The following MED17 variants were observed in gnomAD, a reference collection of about 807,000 sequenced individuals.
The protein encoded by MED17 is mediator of RNA polymerase II transcription subunit 17.
In MED17, 49 loss-of-function variants were observed where a neutral mutation model predicts 80.8. That is an observed-to-expected ratio of 0.61 (90% CI 0.48 to 0.77). The LOEUF (loss-of-function observed/expected upper bound fraction) is 0.77. Ranked by LOEUF, MED17 falls within the 30% of genes least tolerant of loss-of-function variation. The probability of loss-of-function intolerance (pLI) is 0.00; values close to 1 mark genes in which losing one functional copy is unlikely to be tolerated. For synonymous variants in MED17, 281 were observed against 280.4 expected, an observed-to-expected ratio of 1.00 and a Z score of -0.02; for missense variants, 718 against 787.0, an observed-to-expected ratio of 0.91 and a Z score of 1.05.
rs1437875811 is a variant in MED17 at position 93,794,025 on chromosome 11, A to G, written c.849A>G (p.Lys283=). The G allele has an allele frequency of 6.2e-7, 1 of 1,613,020 alleles. No homozygotes were observed. The highest frequency in any genetic ancestry group is 8.5e-7 in the Non-Finnish European group (1 of 1,179,114). Reference sequence around the variant, plus strand: ...ACCTCTTCAAACGACCTTTGCCCAAATCCAAACCAGGTATGGTTATGTTCT... The same window carrying G: ...ACCTCTTCAAACGACCTTTGCCCAAGTCCAAACCAGGTATGGTTATGTTCT... ...TVNLFKRPLP[K]SKPGSPHWQT... The change falls in exon 5 of 12, where the codon AAA becomes AAG. Residue 283 remains lysine (K), a synonymous_variant. Coordinates refer to ENST00000251871, the MANE Select transcript of MED17 (RefSeq NM_004268.5).
At chr11:93,785,847 T>TA (rs1169591043) in intron 1 of MED17, among the ~76,000 whole-genome samples, 1 of 151,860 alleles carries the variant, frequency 6.6e-6, no homozygotes, top group Non-Finnish European at 1.5e-5. Flanking sequence ...CTCTACAAAT[T>TA]AAAAAAATTA....
chr11:93,788,197 A>C (rs1430424491), intron 2 of MED17, 30 bp downstream of exon 2: 1 of 1,574,784 alleles, frequency 6.4e-7, no homozygotes, highest in Non-Finnish European at 8.7e-7. Flanking sequence ...GAATAATAAA[A>C]TTTTATTTAT....
chr11:93,813,367 C>A lies in MED17; in HGVS notation c.*1303C>A, dbSNP rs1401350749. 6.6e-6 allele frequency: 1 copy of A among 152,164 alleles called. No individual in the cohort carries two copies. Among genetic ancestry groups the A allele is most frequent in the African/African-American group, 2.4e-5 (1 of 41,446 alleles). 9.4% of individuals were successfully genotyped at this position (152,164 alleles called of 1,614,324 possible). On this transcript the variant is annotated 3_prime_UTR_variant, in exon 12 of 12. Coordinates refer to ENST00000251871, the MANE Select transcript of MED17 (RefSeq NM_004268.5). ...CTTTGTGCTTTTTTCCCCTTCTGAT[C>A]AAGATCTTGCATCTTTCTATCCATG...
chr11:93,811,527 T>G, intron 11 of MED17: 1 of 309,602 alleles, frequency 3.2e-6, no homozygotes, highest in South Asian at 3.4e-5. Flanking sequence ...AAAAAAAGCT[T>G]TGTGTTTTTC....
At chr11:93,799,489 A>T (rs889387843) in intron 8 of MED17, among the ~76,000 whole-genome samples, 15 of 152,154 alleles carry the variant, frequency 9.9e-5, no homozygotes, top group Admixed American at 4.6e-4. Flanking sequence ...AAGCCTTTTT[A>T]AAAAAAGTAG....
chr11:93,788,175 T>C lies in MED17; in HGVS notation c.417+8T>C, dbSNP rs762848460. 6.2e-7 allele frequency: 1 copy of C among 1,608,538 alleles called. No individual in the cohort carries two copies. The highest frequency in any genetic ancestry group is 8.5e-7 in the Non-Finnish European group (1 of 1,175,620). On this transcript the variant is annotated splice_region_variant and intron_variant, in intron 2 of 11. Transcript: ENST00000251871. ...GCACTTCCTCCAAAACAGGTATTTG[T>C]GGACTTTAATTGAATAATAAAATTT...
rs768892538 is a variant in MED17 at position 93,784,703 on chromosome 11, G to C, written c.190G>C (p.Glu64Gln). 3 of 1,551,604 alleles carry C rather than the reference G, an allele frequency of 1.9e-6. No individual in the cohort carries two copies. The highest frequency in any genetic ancestry group is 2.0e-5 in the Admixed American group (1 of 51,072). ...GSEEEEAAGT[E>Q]GDAQEWPGAG... is the part of the protein sequence containing the mutation. ...CGAGGAGGAGGAGGCGGCGGGGACCGAGGGCGACGCGCAGGAGTGGCCGGG... is the reference window on the plus strand; with the variant it reads ...CGAGGAGGAGGAGGCGGCGGGGACCCAGGGCGACGCGCAGGAGTGGCCGGG... The change falls in exon 1 of 12, where the codon GAG (glutamate) becomes CAG (glutamine). Residue 64 changes from glutamate (E) to glutamine (Q), a missense_variant. Coordinates refer to ENST00000251871, the MANE Select transcript of MED17 (RefSeq NM_004268.5).
Position 93,793,960 on chromosome 11 carries a change from C to CAA in MED17, c.788_789dup (p.Gln264AsnfsTer6), listed in dbSNP as rs1279022230. On this transcript the variant is annotated frameshift_variant, in exon 5 of 12. Transcript: ENST00000251871. LOFTEE classifies it high-confidence loss of function. The stretch of plus-strand genomic sequence containing the variant: ...TTTTGTTGTCATATAGGTTTCAATA[C>CAA]AAAAACAGGCTCCAGATATAGGTGA... 2 of 1,613,822 alleles carry CAA rather than the reference C, an allele frequency of 1.2e-6. No homozygotes were observed. The highest frequency in any genetic ancestry group is 2.7e-5 in the African/African-American group (2 of 74,872).
intron 7 of MED17, 55 bp downstream of exon 7, chr11:93,796,595 G>A: frequency 6.3e-7 from 1 of 1,598,992 alleles, no homozygotes; most frequent in Non-Finnish European, 8.6e-7. Context: ...AGGGCAGTGA[G>A]TATGCACAAA....
At chr11:93,786,601 G>C (rs1943773912) in intron 1 of MED17, among the ~76,000 whole-genome samples, 1 of 151,914 alleles carries the variant, frequency 6.6e-6, no homozygotes, top group East Asian at 1.9e-4. Context: ...CCTAGTATGT[G>C]GGACTGTAGG....
At chr11:93,787,352 G>T (rs1348221159) in intron 1 of MED17, among the ~76,000 whole-genome samples, 1 of 152,024 alleles carries the variant, frequency 6.6e-6, no homozygotes, top group Admixed American at 6.6e-5. Flanking sequence ...GGTGGAGCTT[G>T]CAGTGAGCTG....
rs772779316 is a variant in MED17, at chr11:93,790,580, C to T, written c.424C>T (p.Gln142Ter). Reference sequence around the variant, plus strand: ...TTTGGGTTGTTTTTGACAGAATCCTCAGACGTTGCAATTGATATCTAAAAA... The same window carrying T: ...TTTGGGTTGTTTTTGACAGAATCCTTAGACGTTGCAATTGATATCTAAAAA... The part of the protein sequence containing the change: ...QDALPPKQNP[Q>*]TLQLISKKKS... Residue 142 changes from glutamine to a stop codon, truncating the protein, a stop_gained, in exon 3 of 12, where the codon CAG becomes TAG. Transcript: ENST00000251871. LOFTEE classifies it high-confidence loss of function. The T allele has an allele frequency of 6.2e-7, 1 of 1,613,930 alleles. No homozygotes were observed. The highest frequency in any genetic ancestry group is 8.5e-7 in the Non-Finnish European group (1 of 1,179,876).
intron 2 of MED17, among the ~76,000 whole-genome samples, chr11:93,790,024 T>G (rs1424955752): frequency 6.6e-6 from 1 of 152,202 alleles, no homozygotes; most frequent in Non-Finnish European, 1.5e-5. Flanking sequence ...TAGCTTATGG[T>G]AAGATGCAAA....
At chr11:93,807,231 G>A in intron 9 of MED17, 6 of 331,574 alleles carry the variant, frequency 1.8e-5, no homozygotes, top group South Asian at 1.7e-4. Flanking sequence ...GGCCAACATG[G>A]TGAAATTCCG....
chr11:93,790,932 C>A, intron 3 of MED17, 139 bp downstream of exon 3: 1 of 763,030 alleles, frequency 1.3e-6, no homozygotes, highest in Non-Finnish European at 2.1e-6. Context: ...CATGGCAAAA[C>A]CCTATCTCTA....
intron 9 of MED17, chr11:93,806,546 A>G (rs1376484447): frequency 6.6e-6 from 1 of 152,174 alleles, no homozygotes; most frequent in African/African-American, 2.4e-5. Context: ...ACCTAAGCCA[A>G]ATTAATGGAG....
chr11:93,800,801 T>G (rs1213044465), intron 8 of MED17: 2 of 152,108 alleles, frequency 1.3e-5, no homozygotes, highest in Non-Finnish European at 2.9e-5. Context: ...TGTGCCCAGC[T>G]TATTTTTTTT....
At chr11:93,793,604 GTTTTTT>G (rs1218222558) in intron 3 of MED17, 118 bp from the exon 4 acceptor site, 54 of 732,724 alleles carry the variant, frequency 7.4e-5, no homozygotes, top group Admixed American at 1.2e-4. Context: ...CAAAACATAT[GTTTTTT>G]AGTGGGGACT....
In MED17 at chr11:93,793,853, G is replaced by A. The variant is rs868278773; in HGVS notation, c.763G>A (p.Ala255Thr). 6.2e-7 allele frequency: 1 copy of A among 1,613,286 alleles called. No homozygotes were observed. The highest frequency in any genetic ancestry group is 8.5e-7 in the Non-Finnish European group (1 of 1,179,348). ...VQIPSDLEGS[A>T]YIKVSIQKQA... Reference sequence around the variant, plus strand: ...AATTCCTAGTGATTTAGAGGGGTCTGCATATATCAAGGTATTTGTCAAAAT... The same window carrying A: ...AATTCCTAGTGATTTAGAGGGGTCTACATATATCAAGGTATTTGTCAAAAT... The change falls in exon 4 of 12, where the codon GCA becomes ACA. Residue 255 changes from alanine to threonine, a missense_variant. Physicochemically the swap from Ala to Thr is moderately conservative, Grantham distance 58. Coordinates refer to ENST00000251871, the MANE Select transcript of MED17 (RefSeq NM_004268.5).
Sources: allele counts gnomAD v4.1 joint callset (sites outside exome capture counted in the v4.1 genomes callset), GRCh38; gene constraint gnomAD v4.1.1; transcripts MANE v1.5; gene names NCBI Gene and HGNC (gene_info 2026-07-23, HGNC 2026-07-21).